ZCCHC7: variants seen among roughly 807,000 people sequenced by gnomAD.
ZCCHC7 encodes zinc finger CCHC-type containing 7.
Under a neutral mutation model 52.0 loss-of-function variants are expected in ZCCHC7, and 35 were observed. The ratio of observed to expected loss-of-function variants is 0.67; its 90% confidence interval spans 0.51 to 0.89. The LOEUF (loss-of-function observed/expected upper bound fraction) is 0.89, where lower values mean the gene tolerates loss of function less well. Ranked by LOEUF, ZCCHC7 falls within the 40% of genes least tolerant of loss-of-function variation. ZCCHC7 has a pLI of 0.00. For missense variants in ZCCHC7, 574 were observed against 649.1 expected, an observed-to-expected ratio of 0.88 and a Z score of 1.26; for synonymous variants, 217 against 221.5, an observed-to-expected ratio of 0.98 and a Z score of 0.18.
chr9:37,151,037 T>C (rs1820491260), intron 2 of ZCCHC7, among the ~76,000 whole-genome samples: 1 of 150,360 alleles, frequency 6.7e-6, no homozygotes, highest in Non-Finnish European at 1.5e-5. Flanking sequence ...CCATCTCAGC[T>C]CACTGCAAGC....
intron 5 of ZCCHC7, among the ~76,000 whole-genome samples, chr9:37,318,574 C>G (rs186051767): frequency 6.6e-6 from 1 of 151,984 alleles, no homozygotes; most frequent in East Asian, 1.9e-4. Flanking sequence ...AATTAGACTT[C>G]TATATATATG....
At chr9:37,120,492 T>A (rs537033609), upstream of ZCCHC7, 23 of 398,794 alleles carry the variant, frequency 5.8e-5, no homozygotes, top group South Asian at 2.8e-3. Flanking sequence ...ACTAGAGCTG[T>A]GTTGTCCCCG....
At chr9:37,325,675 C>T (rs185309013) in intron 5 of ZCCHC7, among the ~76,000 whole-genome samples, 1 of 151,926 alleles carries the variant, frequency 6.6e-6, no homozygotes, top group Non-Finnish European at 1.5e-5. Flanking sequence ...TATATTGACA[C>T]CTAGTTTGAA....
intron 2 of ZCCHC7, among the ~76,000 whole-genome samples, chr9:37,140,086 G>A (rs930260301): frequency 1.6e-4 from 25 of 151,904 alleles, no homozygotes; most frequent in Non-Finnish European, 5.9e-5. Flanking sequence ...AAAGAAAGGA[G>A]ATTTTCTTTA....
At chr9:37,132,669 G>A (rs1360073939) in intron 2 of ZCCHC7, among the ~76,000 whole-genome samples, 2 of 151,980 alleles carry the variant, frequency 1.3e-5, no homozygotes, top group Non-Finnish European at 2.9e-5. Flanking sequence ...CAAAATCTAT[G>A]GATGCTCAAG....
intron 2 of ZCCHC7, among the ~76,000 whole-genome samples, chr9:37,151,925 A>G (rs531884767): frequency 2.3e-4 from 35 of 152,294 alleles, no homozygotes; most frequent in African/African-American, 8.4e-4. Context: ...GCTCAGTGCT[A>G]CATTAGCAGT....
chr9:37,335,782 A>G (rs367628549), intron 6 of ZCCHC7, among the ~76,000 whole-genome samples: 2 of 152,178 alleles, frequency 1.3e-5, no homozygotes, highest in South Asian at 4.1e-4. Flanking sequence ...TTTTCTAATT[A>G]TTTATACTTG....
At position 37,327,833 on chromosome 9, in the gene ZCCHC7, C is replaced by T. The variant is rs918318159; in HGVS notation, c.986C>T (p.Thr329Met). The change falls in exon 6 of 9, where the codon ACG becomes ATG. Residue 329 changes from threonine (T) to methionine (M), a missense_variant and splice_region_variant. Transcript: ENST00000336755. ...GAAATCTGGAGGCAGTATCACCTAA[C>T]GGTGAGTAGAAACACCTTTTTTATT... ...CTEIWRQYHL[T>M]TKPGPPKKPK... is the part of the protein sequence containing the mutation. The T allele has an allele frequency of 7.4e-6, 12 of 1,612,782 alleles. No individual in the cohort carries two copies. The highest frequency in any genetic ancestry group is 3.3e-4 in the Middle Eastern group (2 of 6,076).
At chr9:37,120,470 G>T (rs575921293), upstream of ZCCHC7, 2 of 398,108 alleles carry the variant, frequency 5.0e-6, no homozygotes, top group South Asian at 1.3e-4. Context: ...GGGCGGGGAC[G>T]GAAAGGCGGT....
intron 2 of ZCCHC7, among the ~76,000 whole-genome samples, chr9:37,196,771 TTG>T (rs1345472596): frequency 1.3e-5 from 2 of 152,150 alleles, no homozygotes; most frequent in African/African-American, 2.4e-5. Context: ...TTTAATAAAA[TTG>T]TGTTATGATT....
At chr9:37,342,251 G>GTT (rs762313029) in intron 6 of ZCCHC7, among the ~76,000 whole-genome samples, 10 of 152,136 alleles carry the variant, frequency 6.6e-5, no homozygotes, top group Non-Finnish European at 1.3e-4. Flanking sequence ...AAGGTTGTTC[G>GTT]TTTTTGGCCT....
intron 6 of ZCCHC7, among the ~76,000 whole-genome samples, chr9:37,330,731 T>C (rs550727412): frequency 6.6e-6 from 1 of 151,766 alleles, no homozygotes; most frequent in Admixed American, 6.6e-5. Flanking sequence ...TTAATGTTCT[T>C]TTTCATCTTT....
intron 2 of ZCCHC7, among the ~76,000 whole-genome samples, chr9:37,285,116 A>G (rs1039450495): frequency 6.6e-6 from 1 of 152,152 alleles, no homozygotes; most frequent in African/African-American, 2.4e-5. Context: ...AATAGAATTA[A>G]TAGAGAAAAT....
intron 6 of ZCCHC7, among the ~76,000 whole-genome samples, chr9:37,335,326 A>AT (rs893588230): frequency 1.9e-4 from 29 of 151,358 alleles, no homozygotes; most frequent in East Asian, 7.8e-4. Flanking sequence ...ACTAGGTGGC[A>AT]TTTTTTTTTA....
At chr9:37,169,762 T>TC (rs1821627739) in intron 2 of ZCCHC7, among the ~76,000 whole-genome samples, 1 of 152,212 alleles carries the variant, frequency 6.6e-6, no homozygotes, top group South Asian at 2.1e-4. Context: ...ATTGCTATGT[T>TC]CCTTTTGAAA....
intron 2 of ZCCHC7, among the ~76,000 whole-genome samples, chr9:37,272,946 TGCAGTTATAAACAAA>T (rs1232201582): frequency 6.6e-6 from 1 of 152,270 alleles, no homozygotes; most frequent in East Asian, 1.9e-4. Flanking sequence ...GGAAGTTTTT[TGCAGTTATAAACAAA>T]GCTGCTAAGG....
intron 2 of ZCCHC7, among the ~76,000 whole-genome samples, chr9:37,259,439 T>C (rs1421531392): frequency 1.3e-5 from 2 of 152,182 alleles, no homozygotes; most frequent in Non-Finnish European, 2.9e-5. Context: ...CATTTTTAAT[T>C]TATATAATTG....
At chr9:37,345,086 G>A (rs929015728) in intron 6 of ZCCHC7, among the ~76,000 whole-genome samples, 2 of 152,010 alleles carry the variant, frequency 1.3e-5, no homozygotes, top group Non-Finnish European at 2.9e-5. Flanking sequence ...TCTACCCCTC[G>A]AAAGAAACTA....
At chr9:37,174,449 T>C (rs1267895925) in intron 2 of ZCCHC7, among the ~76,000 whole-genome samples, 1 of 152,232 alleles carries the variant, frequency 6.6e-6, no homozygotes, top group Non-Finnish European at 1.5e-5. Context: ...GGAGTAATTG[T>C]TGATTGTACA....
Sources: gnomAD v4.1 joint callset for allele counts (sites outside exome capture counted in the v4.1 genomes callset) on GRCh38, gnomAD v4.1.1 for gene constraint, MANE v1.5 for transcripts, NCBI Gene and HGNC (gene_info 2026-07-23, HGNC 2026-07-21) for gene names.